PHF19: variants seen among roughly 807,000 people sequenced by gnomAD.
The protein encoded by PHF19 is PHD finger protein 19.
PHF19 carries 21 observed loss-of-function variants against 79.8 expected under a neutral mutation model. The ratio of observed to expected loss-of-function variants is 0.26; its 90% CI spans 0.19 to 0.38. The LOEUF (loss-of-function observed/expected upper bound fraction) is 0.38. Among genes scored for constraint, PHF19 ranks in the 10% least tolerant of loss-of-function variants. The pLI is 1.00. For missense variants in PHF19, 445 were observed against 744.2 expected (o/e 0.60, Z 4.68); for synonymous variants, 273 against 296.3 (o/e 0.92, Z 0.81).
chr9:120,873,092 T>C (rs1440282850), intron 3 of PHF19, among the ~76,000 whole-genome samples: 1 of 152,240 alleles, frequency 6.6e-6, no homozygotes, highest in East Asian at 1.9e-4. Context: ...CTCCTGCAAA[T>C]GCAGCTAGTA....
rs759760569 is a variant in PHF19, at chr9:120,860,101, G to A, written c.1389C>T (p.Ser463=). ...TCTAGGAAGCTCACCTGGAGTCATAGGAGAGGCTGGTGGAGGCAGAGCCAG... is the reference window on the plus strand; with the variant it reads ...TCTAGGAAGCTCACCTGGAGTCATAAGAGAGGCTGGTGGAGGCAGAGCCAG... The part of the protein sequence containing the change: ...STSGSASTSL[S]YDSRWTVGSR... Residue 463 remains serine (S), a synonymous_variant, in exon 14 of 15, where the codon TCC becomes TCT. Transcript: ENST00000373896. The surrounding 1 kb of genome is among the most constrained non-coding windows in gnomAD (Gnocchi z 4.1). 4.2e-5 allele frequency: 67 copies of A among 1,583,182 alleles called. No homozygotes were observed. Among genetic ancestry groups the A allele is most frequent in the Middle Eastern group, 3.3e-4 (2 of 6,054 alleles).
chr9:120,901,792 G>A, the PHF19 span, among the ~76,000 whole-genome samples: 2 of 152,302 alleles, frequency 1.3e-5, no homozygotes, highest in African/African-American at 4.8e-5. Context: ...CATCCAGCAG[G>A]AAGCAGGGGA....
At chr9:120,897,694 C>A (rs1316880357), upstream of PHF19, among the ~76,000 whole-genome samples, 1 of 151,814 alleles carries the variant, frequency 6.6e-6, no homozygotes, top group Non-Finnish European at 1.5e-5. Context: ...ATATTAAATT[C>A]TCAGCCGGGC....
chr9:120,858,253 T>C lies in PHF19; in HGVS notation c.1434A>G (p.Ala478=), dbSNP rs147773784. 6.5e-7 allele frequency: 1 copy of C among 1,545,208 alleles called. No individual in the cohort carries two copies. Among genetic ancestry groups the C allele is most frequent in the South Asian group, 1.2e-5 (1 of 81,470 alleles). Residue 478 remains alanine (A), a synonymous_variant, in exon 15 of 15, where the codon GCA becomes GCG. Coordinates refer to ENST00000373896, the MANE Select transcript of PHF19 (RefSeq NM_015651.3). ...CCCGCAGGGGCATGTATGCCTTGGC[T>C]GCCAGCTTCCTCTTTCGGCTGCCCA... ...WTVGSRKRKL[A]AKAYMPLRAK... is the part of the protein sequence containing the mutation.
intron 3 of PHF19, among the ~76,000 whole-genome samples, chr9:120,873,550 T>C (rs1209735861): frequency 6.6e-6 from 1 of 152,266 alleles, no homozygotes; most frequent in Non-Finnish European, 1.5e-5. Context: ...CCATTAGTTT[T>C]ATTCATATGT....
chr9:120,893,894 G>A (rs1053887710), intron 1 of PHF19, among the ~76,000 whole-genome samples: 2 of 152,308 alleles, frequency 1.3e-5, no homozygotes, highest in African/African-American at 4.8e-5. Context: ...ATAGGGCAGT[G>A]GTTCTCAAAG....
At chr9:120,894,066 C>G (rs542748522) in intron 1 of PHF19, among the ~76,000 whole-genome samples, 2 of 152,140 alleles carry the variant, frequency 1.3e-5, no homozygotes, top group African/African-American at 4.8e-5. Context: ...GGTTTTTGGA[C>G]CACTGGAATG....
At chr9:120,893,320 C>T (rs547777377) in intron 1 of PHF19, among the ~76,000 whole-genome samples, 24 of 152,310 alleles carry the variant, frequency 1.6e-4, no homozygotes, top group Non-Finnish European at 2.9e-4. Flanking sequence ...CAGAAGCTCT[C>T]GATTCCCTCA....
chr9:120,901,486 C>T, the PHF19 span, among the ~76,000 whole-genome samples: 3 of 152,192 alleles, frequency 2.0e-5, no homozygotes, highest in Admixed American at 2.0e-4. Flanking sequence ...TGAGCCACCA[C>T]ACCCAGCTGC....
At chr9:120,867,342 A>T (rs2045734282) in intron 6 of PHF19, among the ~76,000 whole-genome samples, 1 of 152,250 alleles carries the variant, frequency 6.6e-6, no homozygotes, top group Non-Finnish European at 1.5e-5. Flanking sequence ...AACACTGCTG[A>T]CAGGGAAACG....
intron 9 of PHF19, 122 bp from the exon 10 acceptor site, chr9:120,864,238 A>C: frequency 1.3e-6 from 1 of 774,424 alleles, no homozygotes; most frequent in Non-Finnish European, 2.2e-6. Flanking sequence ...AGGACCACTG[A>C]CTCACTCCAG....
At chr9:120,865,026 T>A (rs933231618) in intron 9 of PHF19, among the ~76,000 whole-genome samples, 21 of 152,328 alleles carry the variant, frequency 1.4e-4, no homozygotes, top group South Asian at 1.0e-3. Flanking sequence ...TCTATTTTTT[T>A]AAAAAAATTA....
intron 1 of PHF19, among the ~76,000 whole-genome samples, chr9:120,894,547 G>C (rs1191530660): frequency 6.6e-6 from 1 of 152,044 alleles, no homozygotes; most frequent in Non-Finnish European, 1.5e-5. Flanking sequence ...GTCTGCTTTG[G>C]CCGCGCTCCC....
rs201981930 is a variant in PHF19, at chr9:120,862,577, C to T, written c.1130+11G>A. 4.3e-4 allele frequency: 691 copies of T among 1,610,772 alleles called. 3 individuals carry two copies. Among genetic ancestry groups the T allele is most frequent in the Middle Eastern group, 9.9e-4 (5 of 5,026 alleles). Reference sequence around the variant, plus strand: ...GCGGCAGCCCTGGCCCCTGGGTCCCCGAGCACTGACCCAGGCTTGCTCTTT... The same window carrying T: ...GCGGCAGCCCTGGCCCCTGGGTCCCTGAGCACTGACCCAGGCTTGCTCTTT... On this transcript the variant is annotated intron_variant, in intron 11 of 14. Transcript: ENST00000373896. The surrounding 1 kb of genome is among the most constrained non-coding windows in gnomAD (Gnocchi z 4.6).
upstream of PHF19, among the ~76,000 whole-genome samples, chr9:120,898,581 T>G (rs778427314): frequency 2.0e-5 from 3 of 152,252 alleles, no homozygotes; most frequent in Non-Finnish European, 4.4e-5. Context: ...TGTTCAGAAC[T>G]AAAACTGGAT....
Position 120,866,805 on chromosome 9 carries a change from G to A in PHF19, c.710+65C>T. 1 of 855,564 alleles carries A rather than the reference G, an allele frequency of 1.2e-6. No individual in the cohort carries two copies. The highest frequency in any genetic ancestry group is 2.0e-6 in the Non-Finnish European group (1 of 491,790). The allele number at this position is 855,564 out of a possible 1,614,324, so 53.0% of individuals were successfully genotyped here. On this transcript the variant is annotated intron_variant, in intron 7 of 14. Coordinates refer to ENST00000373896, the MANE Select transcript of PHF19 (RefSeq NM_015651.3). The surrounding 1 kb of genome is among the most constrained non-coding windows in gnomAD (Gnocchi z 5.2). ...GCCTGGCAGTCAACCTGCAGGAGTT[G>A]TTGCTGCCATCCCTGCCCTCTCCCC... is the stretch of plus-strand genomic sequence containing the variant.
At chr9:120,867,295 A>G (rs1323355912) in intron 6 of PHF19, among the ~76,000 whole-genome samples, 1 of 152,246 alleles carries the variant, frequency 6.6e-6, no homozygotes, top group Non-Finnish European at 1.5e-5. Flanking sequence ...TTGCCATGCC[A>G]CAATGAAGCC....
At position 120,869,573 on chromosome 9, in the gene PHF19, T is replaced by A; in HGVS notation, c.466-243A>T. On this transcript the variant is annotated intron_variant, in intron 5 of 14. Transcript: ENST00000373896. The surrounding 1 kb of genome is among the most constrained non-coding windows in gnomAD (Gnocchi z 5.8). ...GCAATAAAGGCAACAATTACCAACA[T>A]GTATTTACATGGATTTTCTTTTTTA... The A allele has an allele frequency of 6.9e-7, 1 of 1,459,278 alleles. No homozygotes were observed. Among genetic ancestry groups the A allele is most frequent in the Non-Finnish European group, 9.0e-7 (1 of 1,108,364 alleles). 90.4% of individuals were successfully genotyped at this position (1,459,278 alleles called of 1,614,324 possible).
the PHF19 span, among the ~76,000 whole-genome samples, chr9:120,901,202 T>TG: frequency 6.6e-6 from 1 of 152,128 alleles, no homozygotes; most frequent in African/African-American, 2.4e-5. Context: ...TTTCTTTTTT[T>TG]TGTTGTTTGA....
Sources: allele counts gnomAD v4.1 joint callset (sites outside exome capture counted in the v4.1 genomes callset), GRCh38; gene constraint gnomAD v4.1.1; non-coding constraint Gnocchi (gnomAD v3.1); transcripts MANE v1.5; gene names NCBI Gene and HGNC (gene_info 2026-07-23, HGNC 2026-07-21).